The following STK36 variants were observed in gnomAD, a reference collection of about 807,000 sequenced individuals.
STK36 encodes serine/threonine-protein kinase 36.
A neutral mutation model predicts 142.2 loss-of-function variants in STK36; 116 were observed. The observed-to-expected ratio is 0.82, with a 90% CI of 0.70 to 0.95. The LOEUF is 0.95. Ranked by LOEUF, STK36 falls within the 40% of genes least tolerant of loss-of-function variation. The pLI, the probability that STK36 is intolerant of heterozygous loss-of-function variation, is 0.00. For synonymous variants in STK36, 619 were observed against 641.7 expected (o/e 0.96, Z 0.53); for missense variants, 1,422 against 1,617.2 (o/e 0.88, Z 2.07).
At chr2:218,680,420 T>C (rs1200815058) in intron 9 of STK36, among the ~76,000 whole-genome samples, 183 bp from the exon 10 acceptor site, 1 of 152,236 alleles carries the variant, frequency 6.6e-6, no homozygotes, top group Non-Finnish European at 1.5e-5. Flanking sequence ...GTTAAGGATA[T>C]TTGTGTAGTC....
chr2:218,674,283 G>A (rs1940133946), intron 4 of STK36, among the ~76,000 whole-genome samples: 1 of 152,204 alleles, frequency 6.6e-6, no homozygotes, highest in South Asian at 2.1e-4. Flanking sequence ...AGAGTGTTAA[G>A]TCATGTAATG....
Position 218,699,154 on chromosome 2 carries a change from C to A in STK36, c.3610C>A (p.Pro1204Thr). 1 of 1,614,104 alleles carries A rather than the reference C, an allele frequency of 6.2e-7. No homozygotes were observed. ...VPSMTQLLGD[P>T]QAGIRRNVAS... The stretch of plus-strand genomic sequence containing the variant: ...CAGTATGACCCAGCTGCTTGGAGAT[C>A]CTCAGGCTGGTATCCGGCGCAATGT... Residue 1204 changes from proline (P) to threonine (T), a missense_variant, in exon 26 of 27, where the codon CCT (proline) becomes ACT (threonine). Pro to Thr is a conservative substitution (Grantham distance 38). Transcript: ENST00000295709.
At chr2:218,679,113 G>A in intron 6 of STK36, 55 bp from the exon 7 acceptor site, 2 of 1,543,536 alleles carry the variant, frequency 1.3e-6, no homozygotes, top group Middle Eastern at 1.7e-4. Context: ...TGCTGATAGA[G>A]AGAGACTTAA....
At position 218,693,954 on chromosome 2, in the gene STK36, T is replaced by G; in HGVS notation, c.2307T>G (p.Leu769=). ...TEVTLYFLSL[L]VFRLQNLPCG... Reference sequence around the variant, plus strand: ...TGACACTCTACTTCCTCTCCCTTCTTGTCTTTCGGCTCCAAAACCTGCCTT... The same window carrying G: ...TGACACTCTACTTCCTCTCCCTTCTGGTCTTTCGGCTCCAAAACCTGCCTT... The change falls in exon 19 of 27, where the codon CTT becomes CTG. Residue 769 remains leucine (L), a synonymous_variant. Coordinates refer to ENST00000295709, the MANE Select transcript of STK36 (RefSeq NM_015690.5). The G allele has an allele frequency of 6.2e-7, 1 of 1,614,256 alleles. No individual in the cohort carries two copies. The highest frequency in any genetic ancestry group is 2.2e-5 in the East Asian group (1 of 44,890).
chr2:218,679,300 G>C, intron 7 of STK36, 39 bp downstream of exon 7: 4 of 1,581,918 alleles, frequency 2.5e-6, no homozygotes, highest in Non-Finnish European at 3.5e-6. Flanking sequence ...GGACTTCCCA[G>C]TACTTCCTCT....
In STK36 at chr2:218,694,285, C is replaced by T. The variant is rs760506713; in HGVS notation, c.2358C>T (p.Asp786=). 5.5e-5 allele frequency: 89 copies of T among 1,613,874 alleles called. No homozygotes were observed. Among genetic ancestry groups the T allele is most frequent in the Middle Eastern group, 1.6e-4 (1 of 6,080 alleles). The change falls in exon 20 of 27, where the codon GAC becomes GAT. Residue 786 remains aspartate (D), a synonymous_variant. Coordinates refer to ENST00000295709, the MANE Select transcript of STK36 (RefSeq NM_015690.5). The surrounding 1 kb of genome is among the most constrained non-coding windows in gnomAD (Gnocchi z 4.4). ...LPCGMEKLGS[D]VATLFTHSHV... ...CCAGAATGGAGAAGCTAGGCAGTGACGTTGCTACTCTCTTTACCCATTCGC... is the reference window on the plus strand; with the variant it reads ...CCAGAATGGAGAAGCTAGGCAGTGATGTTGCTACTCTCTTTACCCATTCGC...
chr2:218,679,643 C>T lies in STK36; in HGVS notation c.862C>T (p.Gln288Ter). ...AGAACTTCAGGTCCTAAAGGACGAA[C>T]AGGCCCATCGGTTGGCCCCCAAGGG... ...PPELQVLKDE[Q>*]AHRLAPKGNQ... The change falls in exon 8 of 27, where the codon CAG becomes TAG. Residue 288 changes from glutamine to a stop codon, truncating the protein, a stop_gained. Transcript: ENST00000295709. LOFTEE classifies it high-confidence loss of function. 1 of 1,614,210 alleles carries T rather than the reference C, an allele frequency of 6.2e-7. No homozygotes were observed. The highest frequency in any genetic ancestry group is 8.5e-7 in the Non-Finnish European group (1 of 1,180,038).
chr2:218,672,146 C>T lies in STK36; in HGVS notation c.-159C>T. The T allele has an allele frequency of 1.4e-6, 1 of 691,362 alleles. No homozygotes were observed. Among genetic ancestry groups the T allele is most frequent in the Non-Finnish European group, 2.5e-6 (1 of 403,522 alleles). 42.8% of individuals were successfully genotyped at this position (691,362 alleles called of 1,614,324 possible). On this transcript the variant is annotated 5_prime_UTR_variant, in exon 1 of 27. Coordinates refer to ENST00000295709, the MANE Select transcript of STK36 (RefSeq NM_015690.5). Reference sequence around the variant, plus strand: ...GTCCCAGGAAGTGCCCATGTGTGGTCCGCCGTCCATTCCACACCTCTGAGC... The same window carrying T: ...GTCCCAGGAAGTGCCCATGTGTGGTTCGCCGTCCATTCCACACCTCTGAGC...
Position 218,693,719 on chromosome 2 carries a change from T to C in STK36, c.2149-4T>C, listed in dbSNP as rs747925442. ...CACTGCCAGACTCCTTCCTTCTCCC[T>C]CAGGTTCTATACTCCTGCTGCCTTG... On this transcript the variant is annotated splice_polypyrimidine_tract_variant and splice_region_variant and intron_variant, in intron 17 of 26. Coordinates refer to ENST00000295709, the MANE Select transcript of STK36 (RefSeq NM_015690.5). The C allele has an allele frequency of 3.1e-6, 5 of 1,613,378 alleles. No individual in the cohort carries two copies. In the African/African-American group the frequency reaches 6.7e-5, roughly 22 times the overall value.
chr2:218,698,524 C>T, intron 25 of STK36, 78 bp from the exon 26 acceptor site: 5 of 1,529,200 alleles, frequency 3.3e-6, no homozygotes, highest in Non-Finnish European at 3.5e-6. Context: ...TGGCTTTTCT[C>T]TCTCCCAGGT....
intron 25 of STK36, among the ~76,000 whole-genome samples, 191 bp from the exon 26 acceptor site, chr2:218,698,411 A>G (rs1941314824): frequency 6.6e-6 from 1 of 152,158 alleles, no homozygotes; most frequent in Non-Finnish European, 1.5e-5. Context: ...AAAGTAAGGA[A>G]TGATCTTGGA....
rs750221151 is a variant in STK36, at chr2:218,690,553, A to G, written c.1762A>G (p.Met588Val). Residue 588 changes from methionine (M) to valine (V), a missense_variant and splice_region_variant, in exon 14 of 27, where the codon ATG (methionine) becomes GTG (valine). Around this residue, in one of 2 missense-constraint regions of STK36, gnomAD observed 962 missense variants for 1,167.5 expected, o/e 0.82. Transcript: ENST00000295709. ...SEQTLRRDSL[M>V]CFTVLCEAMD... ...GCAGACTTTGCGGAGGGACAGCCTT[A>G]TGGTAATCTGCTCCCACTTCCAGAT... 4 of 1,611,842 alleles carry G rather than the reference A, an allele frequency of 2.5e-6. No individual in the cohort carries two copies. The highest frequency in any genetic ancestry group is 1.6e-4 in the Middle Eastern group (1 of 6,080).
intron 14 of STK36, among the ~76,000 whole-genome samples, chr2:218,690,936 C>T (rs1202520207): frequency 2.0e-5 from 3 of 152,176 alleles, no homozygotes; most frequent in East Asian, 3.8e-4. Flanking sequence ...AAGAATACAT[C>T]GCAGTTTGCC....
At chr2:218,685,624 T>C (rs999154597) in intron 11 of STK36, among the ~76,000 whole-genome samples, 2 of 152,180 alleles carry the variant, frequency 1.3e-5, no homozygotes, top group Admixed American at 6.5e-5. Flanking sequence ...ACAGGTACAC[T>C]AGTGAGAAGA....
chr2:218,688,634 G>A (rs1940871331), intron 11 of STK36, 63 bp from the exon 12 acceptor site: 2 of 1,559,208 alleles, frequency 1.3e-6, no homozygotes, highest in Non-Finnish European at 1.7e-6. Context: ...CTTGGTATGT[G>A]TAGTTCTCCT....
intron 12 of STK36, among the ~76,000 whole-genome samples, chr2:218,689,099 A>G (rs2106357582): frequency 6.6e-6 from 1 of 152,326 alleles, no homozygotes; most frequent in African/African-American, 2.4e-5. Flanking sequence ...GTTGTGGGGA[A>G]TATGATGAAC....
chr2:218,691,605 G>C (rs1469661802), intron 14 of STK36, among the ~76,000 whole-genome samples: 1 of 151,932 alleles, frequency 6.6e-6, no homozygotes, highest in Non-Finnish European at 1.5e-5. Flanking sequence ...ACCCAGGCTA[G>C]AGTGCAGTGG....
intron 26 of STK36, among the ~76,000 whole-genome samples, chr2:218,700,957 A>T (rs1941418400): frequency 6.7e-6 from 1 of 149,966 alleles, no homozygotes; most frequent in Non-Finnish European, 1.5e-5. Context: ...GGTTGCAGTG[A>T]GCGGAGATCA....
In STK36 at chr2:218,692,164, G is replaced by A. The variant is rs747666601; in HGVS notation, c.1786G>A (p.Ala596Thr). ...TTAGTGCTTTACTGTCCTGTGCGAA[G>A]CCATGGATGGGAACAGCCGGGCCAT... ...SLMCFTVLCEAMDGNSRAISK... is the reference protein window; with the variant it reads ...SLMCFTVLCETMDGNSRAISK... Residue 596 changes from alanine to threonine, a missense_variant, in exon 15 of 27, where the codon GCC becomes ACC. Coordinates refer to ENST00000295709, the MANE Select transcript of STK36 (RefSeq NM_015690.5). The A allele has an allele frequency of 3.1e-6, 5 of 1,614,184 alleles. 1 individual carries two copies. In the South Asian group the frequency reaches 5.5e-5, roughly 18 times the overall value.
Sources: allele counts gnomAD v4.1 joint callset (sites outside exome capture counted in the v4.1 genomes callset), GRCh38; gene constraint gnomAD v4.1.1; regional missense constraint gnomAD v4.1.1; non-coding constraint Gnocchi (gnomAD v3.1); transcripts MANE v1.5; gene names NCBI Gene and HGNC (gene_info 2026-07-23, HGNC 2026-07-21).